The following TBC1D8 variants were observed in gnomAD, a reference collection of about 807,000 sequenced individuals.
TBC1D8 encodes BUB2-like protein 1.
In TBC1D8, 65 loss-of-function variants were observed where a neutral mutation model predicts 118.8. That is an observed-to-expected ratio of 0.55 (90% CI 0.45 to 0.67). The LOEUF (loss-of-function observed/expected upper bound fraction) is 0.67. Among genes scored for constraint, TBC1D8 ranks in the 30% least tolerant of loss-of-function variants. TBC1D8 has a pLI of 0.00. For missense variants in TBC1D8, 1,376 were observed against 1,471.2 expected, an observed-to-expected ratio of 0.94 and a Z score of 1.06; for synonymous variants, 566 against 595.8, an observed-to-expected ratio of 0.95 and a Z score of 0.73.
intron 7 of TBC1D8, 23 bp downstream of exon 7, chr2:101,038,438 A>G (rs773692072): frequency 6.2e-7 from 1 of 1,605,132 alleles, no homozygotes; most frequent in Non-Finnish European, 8.5e-7. Flanking sequence ...GAAGGGGATC[A>G]TCAGGGTCTG....
At chr2:101,035,079 A>C (rs559357843) in intron 9 of TBC1D8, among the ~76,000 whole-genome samples, 3 of 152,150 alleles carry the variant, frequency 2.0e-5, no homozygotes, top group African/African-American at 7.2e-5. Flanking sequence ...AAGGAACCAG[A>C]AAGAGGCTGA....
chr2:101,050,326 C>A, intron 5 of TBC1D8, 75 bp downstream of exon 5: 7 of 1,525,302 alleles, frequency 4.6e-6, no homozygotes, highest in Non-Finnish European at 6.2e-6. Flanking sequence ...AACAAAAGCA[C>A]TTGTACATAA....
At chr2:101,035,969 T>C in intron 9 of TBC1D8, 49 bp downstream of exon 9, 2 of 1,605,982 alleles carry the variant, frequency 1.2e-6, no homozygotes, top group Non-Finnish European at 1.7e-6. Context: ...GCTGTTCCTG[T>C]GTCCATGACA....
chr2:101,017,966 T>C, intron 17 of TBC1D8: 2 of 1,546,198 alleles, frequency 1.3e-6, no homozygotes, highest in Non-Finnish European at 1.7e-6. Flanking sequence ...GAAAAGTCAT[T>C]ATAGAGGATT....
At chr2:101,065,736 C>A (rs1410206741) in intron 2 of TBC1D8, among the ~76,000 whole-genome samples, 2 of 152,052 alleles carry the variant, frequency 1.3e-5, no homozygotes, top group South Asian at 2.1e-4. Context: ...ATTAAAGAGT[C>A]CTAAAAGTGA....
chr2:101,131,302 C>T (rs1007691280), intron 1 of TBC1D8, among the ~76,000 whole-genome samples: 19 of 151,388 alleles, frequency 1.3e-4, no homozygotes, highest in African/African-American at 1.7e-4. Context: ...CACCTGAGGC[C>T]GGGAGTTTGT....
intron 1 of TBC1D8, among the ~76,000 whole-genome samples, chr2:101,110,865 T>C (rs796061): frequency 0.6 from 90,794 of 151,380 alleles, 27,504 homozygotes; most frequent in East Asian, 0.82. Context: ...TCCTGGCTAC[T>C]TGGGAAGCTG....
chr2:101,068,451 C>G lies in TBC1D8; in HGVS notation c.284-8912G>C, dbSNP rs115612031. ...ACTGTATCCAGCAATTCAGATATAGCGAAAGTGAAGTCAATGTTCCAGGAA... is the reference window on the plus strand; with the variant it reads ...ACTGTATCCAGCAATTCAGATATAGGGAAAGTGAAGTCAATGTTCCAGGAA... On this transcript the variant is annotated intron_variant, in intron 2 of 19. Coordinates refer to ENST00000409318, the MANE Select transcript of TBC1D8 (RefSeq NM_001330348.2). 2.6e-3 allele frequency: 918 copies of G among 347,660 alleles called. 7 individuals carry two copies. The highest frequency in any genetic ancestry group is 0.019 in the African/African-American group (848 of 45,492). 21.5% of individuals were successfully genotyped at this position (347,660 alleles called of 1,614,324 possible). A position where few individuals can be genotyped will look rare whatever the true frequency, so the allele number is the denominator to read the frequency against.
intron 2 of TBC1D8, among the ~76,000 whole-genome samples, chr2:101,061,453 T>C (rs1415039219): frequency 6.6e-6 from 1 of 152,204 alleles, no homozygotes; most frequent in Non-Finnish European, 1.5e-5. Context: ...TAAGGAATAA[T>C]GAAAGTTTAA....
chr2:101,151,302 C>T lies in TBC1D8; in HGVS notation c.-49G>A, dbSNP rs777363220. 1.8e-6 allele frequency: 2 copies of T among 1,107,816 alleles called. No individual in the cohort carries two copies. The highest frequency in any genetic ancestry group is 2.2e-6 in the Non-Finnish European group (2 of 896,868). The allele number at this position is 1,107,816 out of a possible 1,614,324, so 68.6% of individuals were successfully genotyped here. A position where few individuals can be genotyped will look rare whatever the true frequency, so the allele number is the denominator to read the frequency against. The stretch of plus-strand genomic sequence containing the variant: ...CGGCCCCAGCTCACATCTCCCCGGC[C>T]GCCGGTCGCTGTGAGCCGAGCCCGC... On this transcript the variant is annotated 5_prime_UTR_variant, in exon 1 of 20. Transcript: ENST00000409318.
At chr2:101,122,254 G>C (rs1184741796) in intron 1 of TBC1D8, among the ~76,000 whole-genome samples, 2 of 150,484 alleles carry the variant, frequency 1.3e-5, no homozygotes, top group African/African-American at 4.9e-5. Context: ...GTATTTTTTA[G>C]TAGAAACGGG....
rs530336340 is a variant in TBC1D8 at position 101,085,157 on chromosome 2, T to G, written c.283+5052A>C. ...TGAGCCACCGCGCCCAGCCAGGGTA[T>G]TCACTATTAAACTATAACAGTTTAA... On this transcript the variant is annotated intron_variant, in intron 2 of 19. Transcript: ENST00000409318. Among the ~76,000 whole-genome samples, 3 of 152,082 alleles carry G rather than the reference T, an allele frequency of 2.0e-5. No homozygotes were observed. In the East Asian group the frequency reaches 5.8e-4, roughly 29 times the overall value.
chr2:101,053,851 T>C (rs887585229), intron 4 of TBC1D8, among the ~76,000 whole-genome samples: 1 of 152,212 alleles, frequency 6.6e-6, no homozygotes, highest in Non-Finnish European at 1.5e-5. Context: ...TCTAAACAAC[T>C]TACAGTAGTA....
rs375678211 is a variant in TBC1D8 at position 101,008,192 on chromosome 2, C to T, written c.3097G>A (p.Ala1033Thr). The change falls in exon 20 of 20, where the codon GCC (alanine) becomes ACC (threonine). Residue 1033 changes from alanine to threonine, a missense_variant. Physicochemically the swap from Ala to Thr is moderately conservative, Grantham distance 58. Transcript: ENST00000409318. ...PEENDLYQAI[A>T]TVTTLLLQIG... ...TGCAGCAGCAGTGTGGTGACTGTGG[C>T]GATGGCTTGATACAAATCATTTTCT... The T allele has an allele frequency of 7.4e-6, 12 of 1,612,546 alleles. No individual in the cohort carries two copies. The highest frequency in any genetic ancestry group is 8.5e-6 in the Non-Finnish European group (10 of 1,179,234).
Position 101,087,088 on chromosome 2 carries a change from T to C in TBC1D8, c.283+3121A>G, listed in dbSNP as rs143276280. 8.0e-3 allele frequency among the ~76,000 whole-genome samples: 1,223 copies of C among 152,066 alleles called. 19 individuals carry two copies. The highest frequency in any genetic ancestry group is 0.027 in the African/African-American group (1,137 of 41,484). On this transcript the variant is annotated intron_variant, in intron 2 of 19. Transcript: ENST00000409318. ...AGTGAGCCACCGCGCCCGGCTGAAT[T>C]TCATCATGTTTTAAGAAAGTTTACT...
At chr2:101,133,270 T>C (rs1001478864) in intron 1 of TBC1D8, among the ~76,000 whole-genome samples, 6 of 152,144 alleles carry the variant, frequency 3.9e-5, no homozygotes, top group African/African-American at 1.2e-4. Context: ...TATAGAAATA[T>C]TAATCACATA....
At chr2:101,100,123 G>A (rs1676731892) in intron 1 of TBC1D8, among the ~76,000 whole-genome samples, 1 of 152,094 alleles carries the variant, frequency 6.6e-6, no homozygotes, top group Admixed American at 6.6e-5. Flanking sequence ...CATCATCTCA[G>A]CCCAAAACCT....
At chr2:101,028,877 G>A (rs1680506677) in intron 12 of TBC1D8, among the ~76,000 whole-genome samples, 1 of 152,122 alleles carries the variant, frequency 6.6e-6, no homozygotes, top group South Asian at 2.1e-4. Context: ...CATGATGCCT[G>A]GTGTCCCCCG....
At chr2:101,094,816 A>C (rs1676283951) in intron 1 of TBC1D8, among the ~76,000 whole-genome samples, 2 of 152,192 alleles carry the variant, frequency 1.3e-5, no homozygotes, top group South Asian at 4.1e-4. Context: ...ATATATGACA[A>C]AGACAAGGTG....
Sources: gnomAD v4.1 joint callset for allele counts (sites outside exome capture counted in the v4.1 genomes callset) on GRCh38, gnomAD v4.1.1 for gene constraint, MANE v1.5 for transcripts, NCBI Gene and HGNC (gene_info 2026-07-23, HGNC 2026-07-21) for gene names.